MLIP: variants seen among roughly 807,000 people sequenced by gnomAD.
MLIP encodes muscular LMNA interacting protein, also known as muscular LMNA-interacting protein.
Under a neutral mutation model 84.8 loss-of-function variants are expected in MLIP, and 79 were observed. The ratio of observed to expected loss-of-function variants is 0.93; its 90% confidence interval spans 0.78 to 1.12. The LOEUF (loss-of-function observed/expected upper bound fraction) is 1.12. Among genes scored for constraint, MLIP ranks in the 50% most tolerant of loss-of-function variants. The pLI is 0.00. For missense variants in MLIP, 1,257 were observed against 1,160.6 expected, an observed-to-expected ratio of 1.08 and a Z score of -1.21; for synonymous variants, 504 against 463.0, an observed-to-expected ratio of 1.09 and a Z score of -1.14.
chr6:54,027,905 C>T (rs537159675), intron 1 of MLIP, among the ~76,000 whole-genome samples: 16 of 152,220 alleles, frequency 1.1e-4, no homozygotes, highest in Admixed American at 3.3e-4. Flanking sequence ...AGGCTTTAAC[C>T]GAGCTGTGCT....
chr6:54,025,733 T>A (rs1250133728), intron 1 of MLIP, among the ~76,000 whole-genome samples: 1 of 136,358 alleles, frequency 7.3e-6, no homozygotes, highest in Admixed American at 7.9e-5. Context: ...TTTGCCCCCA[T>A]ACGTTAACTC....
Position 54,124,857 on chromosome 6 carries a change from C to T in MLIP, c.637C>T (p.His213Tyr), listed in dbSNP as rs1770783693. 1 of 1,582,090 alleles carries T rather than the reference C, an allele frequency of 6.3e-7. No homozygotes were observed. The highest frequency in any genetic ancestry group is 1.4e-5 in the African/African-American group (1 of 73,664). The change falls in exon 3 of 14, where the codon CAT (histidine) becomes TAT (tyrosine). Residue 213 changes from histidine to tyrosine, a missense_variant. Coordinates refer to ENST00000502396, the MANE Select transcript of MLIP (RefSeq NM_001281747.2). ...MLHGMAPQQKHGQLTSSPTTS... is the reference protein window; with the variant it reads ...MLHGMAPQQKYGQLTSSPTTS... ...TCATGGGATGGCCCCTCAGCAAAAG[C>T]ATGGGCAGGTAGGTTTTGTGTTCCT...
chr6:54,252,017 A>T (rs1473621359), intron 12 of MLIP, among the ~76,000 whole-genome samples: 4 of 92,538 alleles, frequency 4.3e-5, no homozygotes, highest in African/African-American at 1.9e-4. Context: ...AATATATAAT[A>T]TAAATATATA....
intron 11 of MLIP, chr6:54,217,781 TCCAAGA>T (rs1326529423): frequency 2.0e-6 from 2 of 984,824 alleles, no homozygotes; most frequent in East Asian, 2.3e-4. Context: ...TAGAAACATG[TCCAAGA>T]CTGTTTTATG....
At chr6:54,257,594 C>T (rs1181314605) in intron 13 of MLIP, among the ~76,000 whole-genome samples, 1 of 152,042 alleles carries the variant, frequency 6.6e-6, no homozygotes, top group Admixed American at 6.6e-5. Flanking sequence ...ATACCTGGAC[C>T]ACAAACCAAC....
At chr6:54,038,379 C>T (rs935586968) in intron 1 of MLIP, among the ~76,000 whole-genome samples, 1 of 151,680 alleles carries the variant, frequency 6.6e-6, no homozygotes, top group East Asian at 1.9e-4. Context: ...TTGTCTGTGA[C>T]GAGGTTTTAC....
At position 54,138,106 on chromosome 6, in the gene MLIP, G is replaced by A; in HGVS notation, c.2037G>A (p.Leu679=). The change falls in exon 4 of 14, where the codon CTG becomes CTA. Residue 679 remains leucine (L), a synonymous_variant. Transcript: ENST00000502396. ...TLVPQLSPSA[L]HPHCGSGTLP... is the part of the protein sequence containing the mutation. Reference sequence around the variant, plus strand: ...TGCCCCAGCTCAGTCCCTCAGCTCTGCACCCACATTGCGGCAGTGGTACCT... The same window carrying A: ...TGCCCCAGCTCAGTCCCTCAGCTCTACACCCACATTGCGGCAGTGGTACCT... The A allele has an allele frequency of 6.5e-7, 1 of 1,536,032 alleles. No individual in the cohort carries two copies. Among genetic ancestry groups the A allele is most frequent in the Non-Finnish European group, 8.7e-7 (1 of 1,146,878 alleles).
intron 5 of MLIP, among the ~76,000 whole-genome samples, chr6:54,152,483 G>A (rs1484703692): frequency 1.3e-5 from 2 of 152,054 alleles, no homozygotes; most frequent in Non-Finnish European, 2.9e-5. Flanking sequence ...GAGAAAATGA[G>A]GAAGAAGCAA....
chr6:54,021,340 T>A (rs559943442), intron 1 of MLIP, among the ~76,000 whole-genome samples: 12 of 152,318 alleles, frequency 7.9e-5, no homozygotes, highest in Non-Finnish European at 1.5e-4. Context: ...TATTGTGTTA[T>A]ACGTTTGTTA....
chr6:54,214,614 T>C (rs1779719772), intron 11 of MLIP, among the ~76,000 whole-genome samples: 1 of 152,240 alleles, frequency 6.6e-6, no homozygotes, highest in South Asian at 2.1e-4. Flanking sequence ...TCCTAGGCTT[T>C]TGAAACCCAG....
rs1216691405 is a variant in MLIP at position 54,137,833 on chromosome 6, C to T, written c.1764C>T (p.Ser588=). 2 of 1,535,996 alleles carry T rather than the reference C, an allele frequency of 1.3e-6. No individual in the cohort carries two copies. The highest frequency in any genetic ancestry group is 2.7e-5 in the African/African-American group (2 of 73,058). Residue 588 remains serine, a synonymous_variant, in exon 4 of 14, where the codon TCC becomes TCT. Transcript: ENST00000502396. ...NIHTYPSTLA[S]SALSSLSPPI... ...ACACGTACCCTTCTACATTAGCCTC[C>T]TCTGCATTATCTTCTCTATCTCCTC...
chr6:54,257,469 AG>A (rs2150894756), intron 13 of MLIP, 108 bp downstream of exon 13: 1 of 785,348 alleles, frequency 1.3e-6, no homozygotes, highest in African/African-American at 1.8e-5. Flanking sequence ...TTATAACAAA[AG>A]AAAGAATTAT....
rs1296577120 is a variant in MLIP, at chr6:54,053,516, G to A, written c.63+34425G>A. 2.6e-5 allele frequency among the ~76,000 whole-genome samples: 4 copies of A among 152,098 alleles called. No homozygotes were observed. In the East Asian group the frequency reaches 7.7e-4, roughly 29 times the overall value. ...GACTTGTGCAAAATCTCATTATAAA[G>A]TTCAAGTGACATGATATTAATTTCT... On this transcript the variant is annotated intron_variant, in intron 1 of 12. Transcript: ENST00000274897.
chr6:54,106,602 C>T (rs559720594), upstream of MLIP, among the ~76,000 whole-genome samples: 41 of 152,154 alleles, frequency 2.7e-4, 1 homozygote, highest in African/African-American at 9.6e-4. Flanking sequence ...CATTGATGAG[C>T]GATTCTGAAA....
intron 5 of MLIP, 120 bp downstream of exon 5, chr6:54,149,247 C>G (rs929731610): frequency 3.5e-6 from 3 of 860,080 alleles, no homozygotes; most frequent in African/African-American, 3.4e-5. Context: ...AAATAACATT[C>G]CATTCTTAGT....
chr6:54,093,507 C>T (rs1379384580), intron 1 of MLIP, among the ~76,000 whole-genome samples: 1 of 152,046 alleles, frequency 6.6e-6, no homozygotes, highest in Admixed American at 6.6e-5. Flanking sequence ...GATGGGAAAT[C>T]CAGAGTCTGG....
intron 11 of MLIP, chr6:54,215,741 T>G (rs1045566386): frequency 1.3e-5 from 2 of 152,384 alleles, no homozygotes; most frequent in African/African-American, 4.8e-5. Context: ...AACTGAATGT[T>G]TCTACCCTTT....
intron 12 of MLIP, among the ~76,000 whole-genome samples, chr6:54,250,382 T>A (rs1398181503): frequency 2.0e-5 from 3 of 151,998 alleles, no homozygotes; most frequent in Non-Finnish European, 4.4e-5. Context: ...GGAATATAAA[T>A]CATTCTATTA....
In MLIP at chr6:54,239,367, A is replaced by T. The variant is rs537961747; in HGVS notation, c.2922+8450A>T. The stretch of plus-strand genomic sequence containing the variant: ...CTGGGCCATTTAAACATATATATAT[A>T]ATATATATATATATAATATATATAT... On this transcript the variant is annotated intron_variant, in intron 12 of 13. Transcript: ENST00000502396. Among the ~76,000 whole-genome samples the T allele has an allele frequency of 1.5e-3, 220 of 145,288 alleles. 1 individual carries two copies. Among genetic ancestry groups the T allele is most frequent in the Non-Finnish European group, 2.5e-3 (164 of 66,714 alleles).
Sources: gnomAD v4.1 joint callset for allele counts (sites outside exome capture counted in the v4.1 genomes callset) on GRCh38, gnomAD v4.1.1 for gene constraint, MANE v1.5 for transcripts, NCBI Gene and HGNC (gene_info 2026-07-23, HGNC 2026-07-21) for gene names.